The following ANKS1B variants were observed in gnomAD, a reference collection of about 807,000 sequenced individuals.
ANKS1B encodes the protein ankyrin repeat and sterile alpha motif domain containing 1B.
ANKS1B carries 36 observed loss-of-function variants against 148.3 expected under a neutral mutation model. The ratio of observed to expected loss-of-function variants is 0.24; its 90% CI spans 0.19 to 0.32. The LOEUF (loss-of-function observed/expected upper bound fraction) is 0.32. Among genes scored for constraint, ANKS1B ranks in the 10% least tolerant of loss-of-function variants. The probability of loss-of-function intolerance (pLI) is 1.00; values close to 1 mark genes in which losing one functional copy is unlikely to be tolerated. For missense variants in ANKS1B, 1,157 were observed against 1,542.6 expected (o/e 0.75, Z 4.19); for synonymous variants, 542 against 560.8 (o/e 0.97, Z 0.47).
intron 9 of ANKS1B, among the ~76,000 whole-genome samples, chr12:99,628,719 T>C (rs1384178158): frequency 6.6e-6 from 1 of 152,104 alleles, no homozygotes; most frequent in East Asian, 1.9e-4. Context: ...GTCCCAATCT[T>C]GTGAGGGCCT....
chr12:99,881,016 C>T (rs891788067), intron 1 of ANKS1B, among the ~76,000 whole-genome samples: 3 of 152,136 alleles, frequency 2.0e-5, no homozygotes. Flanking sequence ...TTGAGGGCTC[C>T]AAAGAGTAAA....
At position 99,529,738 on chromosome 12, in the gene ANKS1B, C is replaced by T. The variant is rs1021654999; in HGVS notation, c.1273-25097G>A. On this transcript the variant is annotated intron_variant, in intron 9 of 26. Transcript: ENST00000683438. ...CCCTTAAATCCACACTATTTTTCTA[C>T]GTCCATAATCACTAAGCTAGTTCAA... Among the ~76,000 whole-genome samples, 31 of 148,084 alleles carry T rather than the reference C, an allele frequency of 2.1e-4. 1 individual carries two copies. Among genetic ancestry groups the T allele is most frequent in the African/African-American group, 7.2e-4 (27 of 37,576 alleles).
At chr12:99,709,675 T>A (rs1052861819) in intron 8 of ANKS1B, among the ~76,000 whole-genome samples, 1 of 151,518 alleles carries the variant, frequency 6.6e-6, no homozygotes, top group Non-Finnish European at 1.5e-5. Flanking sequence ...AGGTCAAGAG[T>A]CAAGAAAACA....
intron 14 of ANKS1B, among the ~76,000 whole-genome samples, chr12:99,231,029 G>T (rs1416681493): frequency 6.6e-6 from 1 of 152,144 alleles, no homozygotes; most frequent in Non-Finnish European, 1.5e-5. Flanking sequence ...GCGTTTCAGA[G>T]AAGCTTTTAT....
intron 17 of ANKS1B, among the ~76,000 whole-genome samples, chr12:98,892,548 A>C (rs1464354839): frequency 6.6e-6 from 1 of 152,242 alleles, no homozygotes; most frequent in Non-Finnish European, 1.5e-5. Flanking sequence ...ATATGCAGTA[A>C]ATTAATAGAC....
chr12:99,446,530 T>C (rs1219677598), intron 10 of ANKS1B, among the ~76,000 whole-genome samples: 3 of 152,074 alleles, frequency 2.0e-5, no homozygotes, highest in African/African-American at 4.8e-5. Flanking sequence ...GAAACTCATC[T>C]CAAAGTTATA....
At chr12:98,843,090 T>C (rs1376907460) in intron 17 of ANKS1B, among the ~76,000 whole-genome samples, 6 of 152,164 alleles carry the variant, frequency 3.9e-5, no homozygotes, top group African/African-American at 1.2e-4. Context: ...GAGAATAAGG[T>C]TGCATTCTAA....
rs879325630 is a variant in ANKS1B, at chr12:99,292,662, GA to G, written c.1757-45799del. On this transcript the variant is annotated intron_variant, in intron 12 of 26. Transcript: ENST00000683438. ...TCCAACAAATTTACAAGAAAAAAAAGAAACTACCCCATCAAAAAGTGGGCAA... is the reference window on the plus strand; with the variant it reads ...TCCAACAAATTTACAAGAAAAAAAAGAACTACCCCATCAAAAAGTGGGCAA... 1.2e-4 allele frequency among the ~76,000 whole-genome samples: 18 copies of G among 151,920 alleles called. 1 individual carries two copies. The highest frequency in any genetic ancestry group is 3.4e-3 in the Middle Eastern group (1 of 294).
At chr12:99,707,013 C>T (rs1249236513) in intron 8 of ANKS1B, among the ~76,000 whole-genome samples, 1 of 152,098 alleles carries the variant, frequency 6.6e-6, no homozygotes, top group Non-Finnish European at 1.5e-5. Flanking sequence ...CCAAGCCATG[C>T]TTGAATACCT....
chr12:99,675,363 ATATT>A (rs1256090161), intron 8 of ANKS1B, among the ~76,000 whole-genome samples: 2 of 152,060 alleles, frequency 1.3e-5, no homozygotes, highest in Non-Finnish European at 2.9e-5. Context: ...ATGTAAGAAA[ATATT>A]TAAAGATCTT....
intron 9 of ANKS1B, among the ~76,000 whole-genome samples, chr12:99,611,645 A>G (rs2097903371): frequency 2.0e-5 from 3 of 152,084 alleles, no homozygotes; most frequent in African/African-American, 7.2e-5. Context: ...TGAAGACTTA[A>G]ATTGTGTTGT....
intron 8 of ANKS1B, among the ~76,000 whole-genome samples, chr12:99,688,186 T>C (rs374439835): frequency 6.6e-6 from 1 of 152,192 alleles, no homozygotes; most frequent in Non-Finnish European, 1.5e-5. Context: ...TGCTTTTCAG[T>C]GGGTCCTTCC....
chr12:99,294,522 G>A (rs1437445384), intron 12 of ANKS1B, among the ~76,000 whole-genome samples: 1 of 152,154 alleles, frequency 6.6e-6, no homozygotes. Flanking sequence ...GGTTACCAGA[G>A]GCTGGGAAGA....
intron 8 of ANKS1B, among the ~76,000 whole-genome samples, chr12:99,706,951 T>G (rs1417498921): frequency 6.6e-6 from 1 of 152,056 alleles, no homozygotes; most frequent in Admixed American, 6.6e-5. Context: ...GAGGTCCCAT[T>G]CCTGGGTGAC....
intron 19 of ANKS1B, 142 bp from the exon 20 acceptor site, chr12:98,808,060 C>A: frequency 1.6e-6 from 1 of 619,106 alleles, no homozygotes; most frequent in Non-Finnish European, 2.7e-6. Context: ...TTTTAGGGTG[C>A]TCAAGGTTTA....
At chr12:99,212,772 G>A (rs117249379) in intron 14 of ANKS1B, among the ~76,000 whole-genome samples, 7 of 152,308 alleles carry the variant, frequency 4.6e-5, no homozygotes, top group Admixed American at 2.6e-4. Flanking sequence ...AGCTGGACTT[G>A]TATACCTTGA....
At chr12:99,039,115 C>G (rs1371824250) in intron 17 of ANKS1B, among the ~76,000 whole-genome samples, 17 of 152,234 alleles carry the variant, frequency 1.1e-4, no homozygotes, top group Admixed American at 1.1e-3. Flanking sequence ...ATAAATACTA[C>G]ATATACTTCT....
intron 12 of ANKS1B, among the ~76,000 whole-genome samples, chr12:99,395,209 C>G (rs1246697182): frequency 6.6e-6 from 1 of 152,118 alleles, no homozygotes; most frequent in Non-Finnish European, 1.5e-5. Flanking sequence ...TTCCCTCTCC[C>G]CATCCATGAT....
chr12:98,748,055 A>G lies in ANKS1B; in HGVS notation c.3748-2206T>C, dbSNP rs561454400. On this transcript the variant is annotated intron_variant, in intron 26 of 26. Transcript: ENST00000683438. ...TTTGATAGCACAGTAGGGTGACTGTAGTTAACAACAATTTATTGTATATTT... is the reference window on the plus strand; with the variant it reads ...TTTGATAGCACAGTAGGGTGACTGTGGTTAACAACAATTTATTGTATATTT... Among the ~76,000 whole-genome samples, 9 of 152,346 alleles carry G rather than the reference A, an allele frequency of 5.9e-5. No homozygotes were observed. The South Asian group carries it at 1.7e-3, about 28-fold the overall frequency.
Sources: allele counts gnomAD v4.1 joint callset (sites outside exome capture counted in the v4.1 genomes callset), GRCh38; gene constraint gnomAD v4.1.1; transcripts MANE v1.5; gene names NCBI Gene and HGNC (gene_info 2026-07-23, HGNC 2026-07-21).